SEC16B: variants seen among roughly 807,000 people sequenced by gnomAD.
SEC16B encodes the protein protein transport protein Sec16B.
In SEC16B, 115 loss-of-function variants were observed where a neutral mutation model predicts 141.8. The observed-to-expected ratio is 0.81, with a 90% CI of 0.70 to 0.95. The LOEUF (loss-of-function observed/expected upper bound fraction) is 0.95. Among genes scored for constraint, SEC16B ranks in the 40% least tolerant of loss-of-function variants. The pLI, the probability that SEC16B is intolerant of heterozygous loss-of-function variation, is 0.00. For missense variants in SEC16B, 1,291 were observed against 1,312.3 expected (o/e 0.98, Z 0.25); for synonymous variants, 493 against 492.5 (o/e 1.00, Z -0.01).
Position 177,960,327 on chromosome 1 carries a change from C to T in SEC16B, c.998+15G>A. 1 of 1,566,782 alleles carries T rather than the reference C, an allele frequency of 6.4e-7. No homozygotes were observed. Among genetic ancestry groups the T allele is most frequent in the Non-Finnish European group, 8.8e-7 (1 of 1,140,040 alleles). On this transcript the variant is annotated intron_variant, in intron 8 of 25. Coordinates refer to ENST00000308284, the MANE Select transcript of SEC16B (RefSeq NM_033127.4). ...TTTCAAAAGCCCTTACTCAGCAGCT[C>T]TTACAGCACTATACCTAATCAAGGG...
intron 12 of SEC16B, 57 bp from the exon 13 acceptor site, chr1:177,947,999 T>C: frequency 7.7e-7 from 1 of 1,303,350 alleles, no homozygotes; most frequent in South Asian, 1.3e-5. Flanking sequence ...CAGATGTACA[T>C]AAAGAAGGCT....
At chr1:177,936,182 A>G in intron 20 of SEC16B, 116 bp downstream of exon 20, 2 of 783,584 alleles carry the variant, frequency 2.6e-6, no homozygotes, top group East Asian at 5.4e-5. Flanking sequence ...GATGTGGAAG[A>G]GAAAGCTGCT....
intron 16 of SEC16B, 80 bp from the exon 17 acceptor site, chr1:177,940,794 C>T (rs1439101458): frequency 4.7e-5 from 41 of 872,864 alleles, no homozygotes; most frequent in South Asian, 3.4e-4. Context: ...GGAAAGACAA[C>T]GGGGAAGAGA....
At chr1:177,946,878 A>C (rs1419280835) in intron 13 of SEC16B, among the ~76,000 whole-genome samples, 2 of 152,306 alleles carry the variant, frequency 1.3e-5, no homozygotes, top group South Asian at 2.1e-4. Context: ...AAAGAAGGAG[A>C]CTACTGAGAG....
At chr1:177,963,061 T>C (rs1051662273) in intron 5 of SEC16B, among the ~76,000 whole-genome samples, 1 of 151,910 alleles carries the variant, frequency 6.6e-6, no homozygotes, top group Non-Finnish European at 1.5e-5. Flanking sequence ...TGAGCCGAGA[T>C]TGTGCCACAG....
chr1:177,944,258 GAGA>G (rs1052179711), intron 15 of SEC16B, among the ~76,000 whole-genome samples: 2 of 152,206 alleles, frequency 1.3e-5, no homozygotes, highest in African/African-American at 4.8e-5. Flanking sequence ...GAGAGATGGG[GAGA>G]AGGAGCTGAC....
intron 4 of SEC16B, 57 bp from the exon 5 acceptor site, chr1:177,964,336 G>A (rs1311819505): frequency 7.7e-7 from 1 of 1,304,416 alleles, no homozygotes; most frequent in African/African-American, 1.5e-5. Context: ...GCAAGGCTGA[G>A]GCACTCTCCG....
At chr1:177,961,506 C>G (rs1653054814) in intron 6 of SEC16B, 84 bp downstream of exon 6, 1 of 1,446,026 alleles carries the variant, frequency 6.9e-7, no homozygotes. Context: ...AATGATCCAT[C>G]GTAAGGCTGA....
chr1:177,936,380 GA>G lies in SEC16B; in HGVS notation c.2504-16del. The G allele has an allele frequency of 6.3e-7, 1 of 1,598,706 alleles. No individual in the cohort carries two copies. The highest frequency in any genetic ancestry group is 8.5e-7 in the Non-Finnish European group (1 of 1,170,702). ...TGTGTTCTCTCCTGCATCACAAACA[GA>G]AATGGAAATAGCAATTGGAAGTTGT... is the stretch of plus-strand genomic sequence containing the variant. On this transcript the variant is annotated splice_polypyrimidine_tract_variant and intron_variant, in intron 19 of 25. Coordinates refer to ENST00000308284, the MANE Select transcript of SEC16B (RefSeq NM_033127.4).
At chr1:177,932,601 T>G in intron 23 of SEC16B, 32 bp from the exon 24 acceptor site, 1 of 1,523,218 alleles carries the variant, frequency 6.6e-7, no homozygotes. Context: ...CTGTTTCCTC[T>G]GCTCAGGACT....
chr1:177,949,415 CACACACACACACACAA>C (rs1651993557), intron 12 of SEC16B, among the ~76,000 whole-genome samples: 1 of 127,088 alleles, frequency 7.9e-6, no homozygotes, highest in South Asian at 2.6e-4. Context: ...CACACACACA[CACACACACACACACAA>C]AGAAAAACTT....
At chr1:177,935,645 T>A (rs1462561684) in intron 20 of SEC16B, among the ~76,000 whole-genome samples, 1 of 150,618 alleles carries the variant, frequency 6.6e-6, no homozygotes, top group African/African-American at 2.5e-5. Context: ...ATAACAATAA[T>A]GTACCACTTC....
At chr1:177,954,168 T>C in intron 11 of SEC16B, 111 bp downstream of exon 11, 1 of 698,326 alleles carries the variant, frequency 1.4e-6, no homozygotes, top group Non-Finnish European at 2.5e-6. Context: ...GAAAGATCCC[T>C]GGAGTGTGAG....
intron 20 of SEC16B, among the ~76,000 whole-genome samples, chr1:177,934,178 C>A (rs908361775): frequency 6.6e-6 from 1 of 151,970 alleles, no homozygotes; most frequent in African/African-American, 2.4e-5. Flanking sequence ...ATAAAGCTTG[C>A]CATTTTAACT....
intron 13 of SEC16B, 64 bp downstream of exon 13, chr1:177,947,761 C>G (rs1319643238): frequency 1.9e-5 from 16 of 859,684 alleles, no homozygotes; most frequent in African/African-American, 1.6e-4. Context: ...AGGAAAGGGA[C>G]AGGGAGGGGA....
intron 19 of SEC16B, among the ~76,000 whole-genome samples, 166 bp downstream of exon 19, chr1:177,937,048 G>C (rs888372332): frequency 3.9e-5 from 6 of 152,138 alleles, no homozygotes; most frequent in Non-Finnish European, 7.4e-5. Context: ...CACCAATACA[G>C]TGGCTGAAAA....
intron 2 of SEC16B, among the ~76,000 whole-genome samples, chr1:177,966,403 T>C (rs1653522836): frequency 6.6e-6 from 1 of 152,170 alleles, no homozygotes; most frequent in South Asian, 2.1e-4. Flanking sequence ...ACCACCGTAA[T>C]TTCCATGCTT....
Position 177,949,139 on chromosome 1 carries a change from C to T in SEC16B, c.1546-1197G>A, listed in dbSNP as rs137914661. Among the ~76,000 whole-genome samples, 1,127 of 152,256 alleles carry T rather than the reference C, an allele frequency of 7.4e-3. 16 individuals carry two copies. The highest frequency in any genetic ancestry group is 0.051 in the Middle Eastern group (15 of 294). Reference sequence around the variant, plus strand: ...GCTTTATTCAACTCCATTTTATACCCAGTCCTTGTTGATCTGGTCAATGCA... The same window carrying T: ...GCTTTATTCAACTCCATTTTATACCTAGTCCTTGTTGATCTGGTCAATGCA... On this transcript the variant is annotated intron_variant, in intron 12 of 25. Transcript: ENST00000308284.
chr1:177,933,934 C>T (rs1650642897), intron 20 of SEC16B, among the ~76,000 whole-genome samples: 1 of 151,630 alleles, frequency 6.6e-6, no homozygotes, highest in Non-Finnish European at 1.5e-5. Flanking sequence ...GGGGTATGGA[C>T]TGCTACTGCT....
Sources: gnomAD v4.1 joint callset for allele counts (sites outside exome capture counted in the v4.1 genomes callset) on GRCh38, gnomAD v4.1.1 for gene constraint, MANE v1.5 for transcripts, NCBI Gene and HGNC (gene_info 2026-07-23, HGNC 2026-07-21) for gene names.